Variants in KCNT1 observed in about 807,000 individuals in gnomAD.
The protein encoded by KCNT1 is potassium sodium-activated channel subfamily T member 1, also known as potassium channel subfamily T member 1.
A neutral mutation model predicts 147.8 loss-of-function variants in KCNT1; 78 were observed. The ratio of observed to expected loss-of-function variants is 0.53; its 90% CI spans 0.44 to 0.64. The LOEUF (loss-of-function observed/expected upper bound fraction) is 0.64. Ranked by LOEUF, KCNT1 falls within the 30% of genes least tolerant of loss-of-function variation. KCNT1 has a pLI of 0.00. For missense variants in KCNT1, 1,419 were observed against 1,750.3 expected (o/e 0.81, Z 3.38); for synonymous variants, 867 against 748.8 (o/e 1.16, Z -2.58).
intron 11 of KCNT1, among the ~76,000 whole-genome samples, chr9:135,760,077 G>T (rs998689138): frequency 1.3e-5 from 2 of 152,134 alleles, no homozygotes; most frequent in Non-Finnish European, 2.9e-5. Flanking sequence ...ATGGAGTCCC[G>T]TGAGCTGGCC....
intron 2 of KCNT1, among the ~76,000 whole-genome samples, chr9:135,747,638 C>G (rs1005838574): frequency 1.3e-5 from 2 of 152,108 alleles, no homozygotes; most frequent in African/African-American, 4.8e-5. Context: ...TCCAGGCACA[C>G]AGAGGAGAGG....
rs879774152 is a variant in KCNT1, at chr9:135,788,039, C to T, written c.3502+1518C>T. The T allele has an allele frequency of 2.2e-4, 299 of 1,357,762 alleles. 2 individuals carry two copies. Among genetic ancestry groups the T allele is most frequent in the Admixed American group, 1.0e-4 (6 of 59,466 alleles). 84.1% of individuals were successfully genotyped at this position (1,357,762 alleles called of 1,614,324 possible). On this transcript the variant is annotated intron_variant, in intron 29 of 30. Coordinates refer to ENST00000371757, the MANE Select transcript of KCNT1 (RefSeq NM_020822.3). ...CCCACTGTGCCGGCCGCCCGCACCT[C>T]GCTTGCTGATATTCTCTCTCTCTCT...
intron 3 of KCNT1, 50 bp downstream of exon 3, chr9:135,750,227 C>T (rs371849666): frequency 8.8e-6 from 13 of 1,478,940 alleles, no homozygotes; most frequent in East Asian, 4.5e-5. Context: ...GTGTTGAGGG[C>T]GCCGGGAGCA....
chr9:135,737,589 C>T (rs1830395646), intron 2 of KCNT1, among the ~76,000 whole-genome samples: 1 of 152,194 alleles, frequency 6.6e-6, no homozygotes, highest in Admixed American at 6.5e-5. Context: ...GCCGGGGACT[C>T]CTGGGGTGCT....
chr9:135,745,043 G>A (rs566724037), intron 2 of KCNT1, among the ~76,000 whole-genome samples: 17 of 152,358 alleles, frequency 1.1e-4, no homozygotes, highest in African/African-American at 3.6e-4. Context: ...ACCCGTGGCC[G>A]GGGATCCGGG....
At chr9:135,753,762 G>T in intron 4 of KCNT1, 175 bp from the exon 5 acceptor site, 1 of 646,232 alleles carries the variant, frequency 1.5e-6, no homozygotes, top group East Asian at 2.7e-5. Context: ...GCAGTAGGTG[G>T]GGAGGGGGCA....
intron 2 of KCNT1, among the ~76,000 whole-genome samples, chr9:135,727,491 C>T (rs1836267238): frequency 6.6e-6 from 1 of 151,526 alleles, no homozygotes; most frequent in African/African-American, 2.4e-5. Context: ...AGTTTCCCCA[C>T]TCTCTGCAGG....
chr9:135,715,497 C>T (rs1043529938), intron 2 of KCNT1, among the ~76,000 whole-genome samples: 1 of 150,574 alleles, frequency 6.6e-6, no homozygotes, highest in African/African-American at 2.4e-5. Flanking sequence ...GGTCAGGAAC[C>T]GCTCCTCTTC....
At chr9:135,768,481 A>G (rs1361460733) in intron 13 of KCNT1, 129 bp from the exon 14 acceptor site, 5 of 649,750 alleles carry the variant, frequency 7.7e-6, no homozygotes, top group Non-Finnish European at 1.4e-5. Context: ...CCGTCCTCTC[A>G]GTCTCTTTCT....
intron 9 of KCNT1, 113 bp downstream of exon 9, chr9:135,757,494 G>C: frequency 1.1e-6 from 1 of 926,000 alleles, no homozygotes; most frequent in Non-Finnish European, 1.7e-6. Context: ...GGCATGACCT[G>C]TAGAGGACCG....
At chr9:135,706,243 G>A (rs1481026587) in intron 1 of KCNT1, among the ~76,000 whole-genome samples, 1 of 152,210 alleles carries the variant, frequency 6.6e-6, no homozygotes, top group Non-Finnish European at 1.5e-5. Context: ...TTGGCGTCGG[G>A]AGCTTGCACA....
chr9:135,734,492 C>A (rs1830252227), intron 2 of KCNT1, among the ~76,000 whole-genome samples: 1 of 152,218 alleles, frequency 6.6e-6, no homozygotes, highest in Admixed American at 6.5e-5. Flanking sequence ...GGTACAGCAG[C>A]AAGTTGCGAA....
chr9:135,704,013 T>C (rs1835146078), intron 1 of KCNT1, among the ~76,000 whole-genome samples: 1 of 152,230 alleles, frequency 6.6e-6, no homozygotes. Context: ...GGACCTGGGC[T>C]TGGCTGGGCT....
chr9:135,776,434 T>C (rs115397279), intron 20 of KCNT1, among the ~76,000 whole-genome samples: 1 of 152,026 alleles, frequency 6.6e-6, no homozygotes, highest in South Asian at 2.1e-4. Context: ...ATTTTATTTA[T>C]TTATTTATTT....
chr9:135,775,076 C>T (rs902071161), intron 19 of KCNT1, among the ~76,000 whole-genome samples: 1 of 152,194 alleles, frequency 6.6e-6, no homozygotes, highest in Non-Finnish European at 1.5e-5. Flanking sequence ...TCCTGGGTGC[C>T]AAGGCTAGGC....
intron 6 of KCNT1, 104 bp downstream of exon 6, chr9:135,755,273 G>A: frequency 4.4e-6 from 4 of 911,736 alleles, no homozygotes; most frequent in Non-Finnish European, 6.5e-6. Context: ...GGTGAGCACT[G>A]AGGACATACC....
chr9:135,746,060 C>T (rs1830818036), intron 2 of KCNT1, among the ~76,000 whole-genome samples: 2 of 152,270 alleles, frequency 1.3e-5, no homozygotes, highest in Non-Finnish European at 2.9e-5. Context: ...TCGCACCAGT[C>T]ACCTGAAATA....
chr9:135,774,130 T>C (rs11507044), intron 19 of KCNT1, among the ~76,000 whole-genome samples: 25 of 151,076 alleles, frequency 1.7e-4, no homozygotes, highest in Non-Finnish European at 3.4e-4. Flanking sequence ...TGGTGTGTGT[T>C]GTGTGATATG....
chr9:135,706,375 CCA>C (rs1486074268), intron 1 of KCNT1, among the ~76,000 whole-genome samples: 1 of 152,216 alleles, frequency 6.6e-6, no homozygotes, highest in Admixed American at 6.5e-5. Context: ...CAAAAGATTC[CCA>C]CAGTGTTAAT....
Sources: gnomAD v4.1 joint callset for allele counts (sites outside exome capture counted in the v4.1 genomes callset) on GRCh38, gnomAD v4.1.1 for gene constraint, MANE v1.5 for transcripts, NCBI Gene and HGNC (gene_info 2026-07-23, HGNC 2026-07-21) for gene names.